RAB2B: variants seen among roughly 807,000 people sequenced by gnomAD.
RAB2B encodes RAB2B, member RAS oncogene family, also known as ras-related protein Rab-2B.
A neutral mutation model predicts 29.8 loss-of-function variants in RAB2B; 20 were observed. That is an observed-to-expected ratio of 0.67 (90% CI 0.47 to 0.97). The LOEUF (loss-of-function observed/expected upper bound fraction) is 0.97, where lower values mean the gene tolerates loss of function less well. RAB2B is among the 50% of genes least tolerant of loss of function. RAB2B has a pLI of 0.00. For missense variants in RAB2B, 218 were observed against 272.0 expected (o/e 0.80, Z 1.40); for synonymous variants, 93 against 91.7 (o/e 1.01, Z -0.08).
At chr14:21,472,562 T>C (rs148997513) in intron 3 of RAB2B, among the ~76,000 whole-genome samples, 2 of 152,282 alleles carry the variant, frequency 1.3e-5, no homozygotes, top group East Asian at 3.9e-4. Flanking sequence ...TTTTAAAATT[T>C]TCAAAATATA....
chr14:21,463,282 T>C (rs61973210), intron 6 of RAB2B, among the ~76,000 whole-genome samples: 3,390 of 149,012 alleles, frequency 0.023, 47 homozygotes, highest in African/African-American at 0.027. Flanking sequence ...AGTTTTGCTC[T>C]GTTGCCTAGG....
intron 5 of RAB2B, among the ~76,000 whole-genome samples, chr14:21,467,488 T>A (rs1468673482): frequency 6.6e-6 from 1 of 152,224 alleles, no homozygotes; most frequent in Non-Finnish European, 1.5e-5. Flanking sequence ...AAAATACTCA[T>A]GTTGTTTGGG....
intron 1 of RAB2B, 71 bp from the exon 2 acceptor site, chr14:21,476,670 C>G: frequency 6.2e-7 from 1 of 1,613,182 alleles, no homozygotes; most frequent in Admixed American, 1.7e-5. Context: ...CTTCCCGGAC[C>G]AGAGAAGGGG....
intron 2 of RAB2B, among the ~76,000 whole-genome samples, chr14:21,475,430 CTTTTTT>C (rs11408746): frequency 7.7e-6 from 1 of 129,526 alleles, no homozygotes; most frequent in African/African-American, 2.9e-5. Flanking sequence ...AGAAACAATA[CTTTTTT>C]TTTTTTTTTT....
chr14:21,468,053 G>A (rs903043470), intron 5 of RAB2B, among the ~76,000 whole-genome samples: 3 of 152,102 alleles, frequency 2.0e-5, no homozygotes, highest in Admixed American at 6.5e-5. Flanking sequence ...AGGGATGAGG[G>A]GGATGGGGGA....
chr14:21,468,751 G>T lies in RAB2B; in HGVS notation c.188C>A (p.Ala63Asp). The stretch of plus-strand genomic sequence containing the variant: ...GATAGAACGGAAGGATTCTTGCCCA[G>T]CCTTTCCCACCAACATGGCAACAAA... ...KQIKLQIWDT[A>D]GQESFRSITR... Residue 63 changes from alanine to aspartate, a missense_variant and splice_region_variant, in exon 4 of 8, where the codon GCT becomes GAT. Ala to Asp is a moderately radical substitution (Grantham distance 126). Coordinates refer to ENST00000397762, the MANE Select transcript of RAB2B (RefSeq NM_032846.4). 6.5e-7 allele frequency: 1 copy of T among 1,527,206 alleles called. No individual in the cohort carries two copies. The highest frequency in any genetic ancestry group is 1.3e-5 in the South Asian group (1 of 75,028). 94.6% of individuals were successfully genotyped at this position (1,527,206 alleles called of 1,614,324 possible).
At chr14:21,468,306 G>T in intron 5 of RAB2B, 51 bp downstream of exon 5, 1 of 1,368,412 alleles carries the variant, frequency 7.3e-7, no homozygotes, top group Non-Finnish European at 1.0e-6. Context: ...AATGTGCATA[G>T]AGTACCTAGA....
chr14:21,466,444 G>A (rs56267245), intron 5 of RAB2B, among the ~76,000 whole-genome samples: 111,318 of 152,138 alleles, frequency 0.73, 41,651 homozygotes, highest in South Asian at 0.87. Flanking sequence ...ACGAGATCAT[G>A]CCATTGTGCT....
chr14:21,474,342 T>C (rs1331644576), intron 3 of RAB2B, among the ~76,000 whole-genome samples: 2 of 152,228 alleles, frequency 1.3e-5, no homozygotes, highest in Admixed American at 6.5e-5. Context: ...TCTATATGTA[T>C]TGATATGGAA....
rs753841357 is a variant in RAB2B at position 21,460,320 on chromosome 14, G to A, written c.*876C>T. 1 of 516,018 alleles carries A rather than the reference G, an allele frequency of 1.9e-6. No homozygotes were observed. Among genetic ancestry groups the A allele is most frequent in the Non-Finnish European group, 3.9e-6 (1 of 258,092 alleles). 32.0% of individuals were successfully genotyped at this position (516,018 alleles called of 1,614,324 possible). A position where few individuals can be genotyped will look rare whatever the true frequency, so the allele number is the denominator to read the frequency against. ...TTATTTATTTAGGCCAGGCACGGTG[G>A]CTCACACCTGTAATCCAGCACTTTG... is the stretch of plus-strand genomic sequence containing the variant. On this transcript the variant is annotated 3_prime_UTR_variant, in exon 8 of 8. Coordinates refer to ENST00000397762, the MANE Select transcript of RAB2B (RefSeq NM_032846.4).
intron 3 of RAB2B, among the ~76,000 whole-genome samples, chr14:21,474,076 G>A (rs555227790): frequency 6.0e-4 from 91 of 152,052 alleles, no homozygotes; most frequent in African/African-American, 2.1e-3. Flanking sequence ...CTGTAATCCC[G>A]GCTACTCAGG....
At position 21,468,734 on chromosome 14, in the gene RAB2B, G is replaced by T. The variant is rs769361668; in HGVS notation, c.205C>A (p.Arg69Ser). 1 of 1,551,978 alleles carries T rather than the reference G, an allele frequency of 6.4e-7. No individual in the cohort carries two copies. The highest frequency in any genetic ancestry group is 1.4e-5 in the African/African-American group (1 of 72,550). The change falls in exon 4 of 8, where the codon CGT (arginine) becomes AGT (serine). Residue 69 changes from arginine to serine, a missense_variant. Coordinates refer to ENST00000397762, the MANE Select transcript of RAB2B (RefSeq NM_032846.4). ...IWDTAGQESF[R>S]SITRSYYRGA... Reference sequence around the variant, plus strand: ...CTGTAGTAGGAACGGGTGATAGAACGGAAGGATTCTTGCCCAGCCTTTCCC... The same window carrying T: ...CTGTAGTAGGAACGGGTGATAGAACTGAAGGATTCTTGCCCAGCCTTTCCC...
rs1045842 is a variant in RAB2B at position 21,459,117 on chromosome 14, C to T, written c.*2079G>A. On this transcript the variant is annotated 3_prime_UTR_variant, in exon 8 of 8. Coordinates refer to ENST00000397762, the MANE Select transcript of RAB2B (RefSeq NM_032846.4). ...AAGACCTCAGGGCTGTGGAAGAGAA[C>T]GGGACATCAAGGAAAAAAGATATAT... The T allele has an allele frequency of 0.93, 142,013 of 152,722 alleles. 66,181 individuals carry two copies. The highest frequency in any genetic ancestry group is 0.97 in the African/African-American group (40,200 of 41,570). The allele number at this position is 152,722 out of a possible 1,614,324, so 9.5% of individuals were successfully genotyped here. A position where few individuals can be genotyped will look rare whatever the true frequency, so the allele number is the denominator to read the frequency against.
intron 5 of RAB2B, 115 bp from the exon 6 acceptor site, chr14:21,463,882 G>A (rs1890627166): frequency 3.0e-6 from 2 of 661,354 alleles, no homozygotes; most frequent in Non-Finnish European, 5.3e-6. Flanking sequence ...CATAAAGAAT[G>A]TAGATCCTAC....
At chr14:21,474,075 C>T (rs576980664) in intron 3 of RAB2B, among the ~76,000 whole-genome samples, 3 of 152,044 alleles carry the variant, frequency 2.0e-5, no homozygotes, top group Non-Finnish European at 4.4e-5. Context: ...CCTGTAATCC[C>T]GGCTACTCAG....
intron 5 of RAB2B, among the ~76,000 whole-genome samples, chr14:21,465,569 G>A (rs981788729): frequency 2.0e-5 from 3 of 152,106 alleles, no homozygotes; most frequent in African/African-American, 4.8e-5. Flanking sequence ...TATTGCAACT[G>A]GGATACTACT....
At chr14:21,473,731 G>A (rs542348945) in intron 3 of RAB2B, among the ~76,000 whole-genome samples, 1 of 152,280 alleles carries the variant, frequency 6.6e-6, no homozygotes, top group Admixed American at 6.5e-5. Flanking sequence ...TACAAAAAAC[G>A]TCCGGGAGTG....
chr14:21,460,943 C>T lies in RAB2B; in HGVS notation c.*253G>A. ...ATTATTTTTTAACTACTGTGATAAT[C>T]AACTTTGATCCTAACAATTTAAGAA... On this transcript the variant is annotated 3_prime_UTR_variant, in exon 8 of 8. Transcript: ENST00000397762. 1 of 278,678 alleles carries T rather than the reference C, an allele frequency of 3.6e-6. No individual in the cohort carries two copies. Among genetic ancestry groups the T allele is most frequent in the Non-Finnish European group, 6.7e-6 (1 of 149,896 alleles). The allele number at this position is 278,678 out of a possible 1,614,324, so 17.3% of individuals were successfully genotyped here.
Position 21,460,986 on chromosome 14 carries a change from A to T in RAB2B, c.*210T>A, listed in dbSNP as rs901561925. ...TTTAAGAAATTTGTATAGGAGGATA[A>T]GAAGAACCCTAATCTATAGGGAATG... is the stretch of plus-strand genomic sequence containing the variant. On this transcript the variant is annotated 3_prime_UTR_variant, in exon 8 of 8. Coordinates refer to ENST00000397762, the MANE Select transcript of RAB2B (RefSeq NM_032846.4). 5.1e-6 allele frequency: 2 copies of T among 392,860 alleles called. No homozygotes were observed. Among genetic ancestry groups the T allele is most frequent in the Non-Finnish European group, 9.1e-6 (2 of 219,502 alleles). The allele number at this position is 392,860 out of a possible 1,614,324, so 24.3% of individuals were successfully genotyped here.
Sources: allele counts gnomAD v4.1 joint callset (sites outside exome capture counted in the v4.1 genomes callset), GRCh38; gene constraint gnomAD v4.1.1; transcripts MANE v1.5; gene names NCBI Gene and HGNC (gene_info 2026-07-23, HGNC 2026-07-21).